MGMT: variants seen among roughly 807,000 people sequenced by gnomAD.
MGMT encodes the protein methylated-DNA--protein-cysteine methyltransferase.
Under a neutral mutation model 15.9 loss-of-function variants are expected in MGMT, and 14 were observed. The ratio of observed to expected loss-of-function variants is 0.88; its 90% CI spans 0.58 to 1.37. The LOEUF (loss-of-function observed/expected upper bound fraction) is 1.37. Among genes scored for constraint, MGMT ranks in the 40% most tolerant of loss-of-function variants. The pLI, the probability that MGMT is intolerant of heterozygous loss-of-function variation, is 0.00. For synonymous variants in MGMT, 130 were observed against 118.2 expected (o/e 1.10, Z -0.65); for missense variants, 282 against 268.1 (o/e 1.05, Z -0.36).
At chr10:129,565,732 A>C (rs139019810) in intron 2 of MGMT, among the ~76,000 whole-genome samples, 58 of 152,250 alleles carry the variant, frequency 3.8e-4, no homozygotes, top group African/African-American at 1.3e-3. Flanking sequence ...TGATGGAAGA[A>C]GACCCTGGCG....
At chr10:129,580,211 G>C (rs1846535527) in intron 2 of MGMT, among the ~76,000 whole-genome samples, 1 of 152,212 alleles carries the variant, frequency 6.6e-6, no homozygotes, top group Non-Finnish European at 1.5e-5. Flanking sequence ...AGCACCTGCT[G>C]TGCCCGGGGG....
intron 2 of MGMT, among the ~76,000 whole-genome samples, chr10:129,647,180 C>T (rs1174410667): frequency 2.0e-5 from 3 of 152,136 alleles, no homozygotes; most frequent in Admixed American, 6.5e-5. Flanking sequence ...ACCTGCTCTG[C>T]GGAGGCGCCT....
intron 2 of MGMT, among the ~76,000 whole-genome samples, chr10:129,590,888 C>T (rs1336080055): frequency 6.6e-6 from 1 of 152,224 alleles, no homozygotes; most frequent in Non-Finnish European, 1.5e-5. Context: ...GCCTCTCTCC[C>T]GCCGGCTGAC....
At chr10:129,751,022 T>TC (rs1294358782) in intron 3 of MGMT, among the ~76,000 whole-genome samples, 1 of 152,104 alleles carries the variant, frequency 6.6e-6, no homozygotes, top group Non-Finnish European at 1.5e-5. Flanking sequence ...TCTTTTGGTT[T>TC]CTGACTTTTT....
At position 129,519,180 on chromosome 10, in the gene MGMT, ATAAT is replaced by A. The variant is rs543276695; in HGVS notation, c.-12-17055_-12-17052del. The stretch of plus-strand genomic sequence containing the variant: ...AAGGCCTGTCCCTTTCTCCAGAGAA[ATAAT>A]TAATTGTTAGAGTATATGGTTTTTG... On this transcript the variant is annotated intron_variant, in intron 1 of 4. Transcript: ENST00000651593. Among the ~76,000 whole-genome samples, 19 of 152,352 alleles carry A rather than the reference ATAAT, an allele frequency of 1.2e-4. 1 individual carries two copies. In the South Asian group the frequency reaches 2.3e-3, roughly 18 times the overall value.
intron 2 of MGMT, among the ~76,000 whole-genome samples, chr10:129,605,042 A>G (rs558466803): frequency 4.9e-4 from 75 of 152,340 alleles, no homozygotes; most frequent in African/African-American, 1.8e-3. Context: ...CAAATTAAAC[A>G]TGAACAATTT....
intron 1 of MGMT, among the ~76,000 whole-genome samples, chr10:129,501,914 A>T (rs529627106): frequency 3.9e-5 from 6 of 152,266 alleles, no homozygotes; most frequent in South Asian, 2.1e-4. Context: ...TGGTTTGGCT[A>T]ATGAGCGTGG....
intron 1 of MGMT, among the ~76,000 whole-genome samples, chr10:129,471,737 C>T (rs1564827576): frequency 6.6e-6 from 1 of 152,124 alleles, no homozygotes; most frequent in Non-Finnish European, 1.5e-5. Flanking sequence ...CCAGGGGATT[C>T]TGGCAGACCC....
intron 1 of MGMT, among the ~76,000 whole-genome samples, chr10:129,489,550 A>C: frequency 6.6e-6 from 1 of 152,046 alleles, no homozygotes; most frequent in African/African-American, 2.4e-5. Flanking sequence ...CTGTAGACTA[A>C]TGTGGGGAGA....
Position 129,588,537 on chromosome 10 carries a change from C to T in MGMT, c.125+52160C>T, listed in dbSNP as rs141132531. Reference sequence around the variant, plus strand: ...CTTTCTGTGTCACATTCTTCCCACTCGCACGCATGCATCCAGGAATAAGAG... The same window carrying T: ...CTTTCTGTGTCACATTCTTCCCACTTGCACGCATGCATCCAGGAATAAGAG... On this transcript the variant is annotated intron_variant, in intron 2 of 4. Transcript: ENST00000651593. Among the ~76,000 whole-genome samples, 716 of 152,254 alleles carry T rather than the reference C, an allele frequency of 4.7e-3. 1 individual carries two copies. The highest frequency in any genetic ancestry group is 6.5e-3 in the Non-Finnish European group (445 of 68,016).
chr10:129,588,366 CTG>C (rs1041309837), intron 2 of MGMT, among the ~76,000 whole-genome samples: 1 of 152,170 alleles, frequency 6.6e-6, no homozygotes, highest in African/African-American at 2.4e-5. Flanking sequence ...ACCACTGAAT[CTG>C]TGGTAATTTG....
chr10:129,567,965 CTT>C (rs1309000215), intron 2 of MGMT, among the ~76,000 whole-genome samples: 1 of 152,226 alleles, frequency 6.6e-6, no homozygotes, highest in East Asian at 1.9e-4. Context: ...TCACTCCTAA[CTT>C]AAGAATGCTA....
intron 2 of MGMT, among the ~76,000 whole-genome samples, chr10:129,672,519 G>C (rs75040946): frequency 0.08 from 12,177 of 151,998 alleles, 713 homozygotes; most frequent in Admixed American, 0.17. Flanking sequence ...CTTGTTCTCC[G>C]TTATTTCCCA....
intron 1 of MGMT, among the ~76,000 whole-genome samples, chr10:129,477,531 C>T (rs1845309113): frequency 6.6e-6 from 1 of 152,158 alleles, no homozygotes. Flanking sequence ...TCCTACTCTG[C>T]TAGGATTGAT....
intron 4 of MGMT, among the ~76,000 whole-genome samples, chr10:129,764,726 G>A (rs948650115): frequency 3.3e-5 from 5 of 152,232 alleles, no homozygotes; most frequent in African/African-American, 1.2e-4. Context: ...GGGGGTACCC[G>A]GAGTGATACC....
chr10:129,720,454 A>G (rs761785650), intron 3 of MGMT, among the ~76,000 whole-genome samples: 20 of 152,324 alleles, frequency 1.3e-4, no homozygotes, highest in South Asian at 6.2e-4. Flanking sequence ...ACCCTCCCAC[A>G]GCACCGGGCT....
chr10:129,497,387 CCT>C (rs1845533045), intron 1 of MGMT, among the ~76,000 whole-genome samples: 1 of 152,090 alleles, frequency 6.6e-6, no homozygotes, highest in African/African-American at 2.4e-5. Flanking sequence ...CTGTCCTGGT[CCT>C]CTCTCCTGTT....
chr10:129,580,409 T>G (rs1237232055), intron 2 of MGMT, among the ~76,000 whole-genome samples: 1 of 152,166 alleles, frequency 6.6e-6, no homozygotes, highest in Non-Finnish European at 1.5e-5. Flanking sequence ...GTGCAACAGT[T>G]TCCCTGAGGT....
chr10:129,473,852 C>T (rs555626755), intron 1 of MGMT, among the ~76,000 whole-genome samples: 10 of 152,170 alleles, frequency 6.6e-5, no homozygotes, highest in Non-Finnish European at 1.3e-4. Context: ...GCCTACCCCG[C>T]ACCCCACTAG....
Sources: gnomAD v4.1 joint callset for allele counts (sites outside exome capture counted in the v4.1 genomes callset) on GRCh38, gnomAD v4.1.1 for gene constraint, MANE v1.5 for transcripts, NCBI Gene and HGNC (gene_info 2026-07-23, HGNC 2026-07-21) for gene names.